COL5A2: variants seen among roughly 807,000 people sequenced by gnomAD.
The protein encoded by COL5A2 is collagen alpha-2(V) chain.
A neutral mutation model predicts 208.2 loss-of-function variants in COL5A2; 23 were observed. That is an observed-to-expected ratio of 0.11 (90% CI 0.08 to 0.16). The LOEUF (loss-of-function observed/expected upper bound fraction) is 0.16. COL5A2 is among the 10% of genes least tolerant of loss of function. The pLI, the probability that COL5A2 is intolerant of heterozygous loss-of-function variation, is 1.00. For missense variants in COL5A2, 1,590 were observed against 1,956.4 expected (o/e 0.81, Z 3.53); for synonymous variants, 625 against 628.5 (o/e 0.99, Z 0.08).
At chr2:189,432,414 A>G in the COL5A2 span, among the ~76,000 whole-genome samples, 1 of 152,220 alleles carries the variant, frequency 6.6e-6, no homozygotes, top group Non-Finnish European at 1.5e-5. Context: ...AAGACCCATC[A>G]GTGTGCTGTA....
intron 38 of COL5A2, 144 bp from the exon 39 acceptor site, chr2:189,053,162 A>G (rs1187520258): frequency 3.8e-6 from 3 of 785,038 alleles, no homozygotes; most frequent in Non-Finnish European, 6.1e-6. Flanking sequence ...AAGGAAAAAA[A>G]GTACTCTGAT....
chr2:189,116,924 A>G (rs1027885538), intron 1 of COL5A2, among the ~76,000 whole-genome samples: 1 of 152,196 alleles, frequency 6.6e-6, no homozygotes, highest in African/African-American at 2.4e-5. Context: ...CTTCATTTCA[A>G]TGCATTTCAG....
the COL5A2 span, among the ~76,000 whole-genome samples, chr2:189,318,577 C>T: frequency 1.3e-5 from 2 of 152,206 alleles, no homozygotes; most frequent in African/African-American, 2.4e-5. Flanking sequence ...TAAAGCTTCT[C>T]ATTCTCCACA....
At chr2:189,413,332 G>A in the COL5A2 span, among the ~76,000 whole-genome samples, 3 of 152,196 alleles carry the variant, frequency 2.0e-5, no homozygotes, top group Admixed American at 2.0e-4. Context: ...CCAGCAGTTA[G>A]GATCCTCTAA....
chr2:189,232,812 G>A, the COL5A2 span, among the ~76,000 whole-genome samples: 4,957 of 151,690 alleles, frequency 0.033, 120 homozygotes, highest in Admixed American at 0.047. Context: ...CTATGAACCA[G>A]GAAGCAGAGC....
the COL5A2 span, among the ~76,000 whole-genome samples, chr2:189,337,665 T>A: frequency 6.6e-6 from 1 of 152,128 alleles, no homozygotes; most frequent in Non-Finnish European, 1.5e-5. Flanking sequence ...CAGAAGGGGT[T>A]ACAATCTTGC....
the COL5A2 span, among the ~76,000 whole-genome samples, chr2:189,321,157 C>T: frequency 6.6e-6 from 1 of 152,198 alleles, no homozygotes; most frequent in East Asian, 1.9e-4. Flanking sequence ...ACAACAGCTC[C>T]TGAAGGAAGC....
At chr2:189,247,168 G>A in the COL5A2 span, among the ~76,000 whole-genome samples, 1 of 152,190 alleles carries the variant, frequency 6.6e-6, no homozygotes, top group Non-Finnish European at 1.5e-5. Flanking sequence ...CCATGGACCA[G>A]TTGTGGCCTA....
chr2:189,114,726 A>C (rs936956477), intron 1 of COL5A2, among the ~76,000 whole-genome samples: 5 of 151,806 alleles, frequency 3.3e-5, no homozygotes, highest in African/African-American at 1.2e-4. Context: ...ATTAGTAAAA[A>C]TTAGAAAAAA....
At chr2:189,057,256 T>G in intron 34 of COL5A2, 64 bp downstream of exon 34, 1 of 1,203,974 alleles carries the variant, frequency 8.3e-7, no homozygotes, top group African/African-American at 1.5e-5. Flanking sequence ...AAGAAATCAT[T>G]TCATTTTCAG....
intron 1 of COL5A2, among the ~76,000 whole-genome samples, chr2:189,137,502 C>A (rs140218046): frequency 1.5e-3 from 234 of 152,292 alleles, no homozygotes; most frequent in Non-Finnish European, 2.4e-3. Flanking sequence ...AAGTAATATT[C>A]TTTTGATGTA....
chr2:189,390,295 C>T, the COL5A2 span, among the ~76,000 whole-genome samples: 1 of 152,148 alleles, frequency 6.6e-6, no homozygotes, highest in Non-Finnish European at 1.5e-5. Context: ...CACAGCAGAA[C>T]ATACCTACAT....
chr2:189,167,519 C>G (rs1688488619), intron 1 of COL5A2, among the ~76,000 whole-genome samples: 1 of 152,064 alleles, frequency 6.6e-6, no homozygotes, highest in South Asian at 2.1e-4. Flanking sequence ...GTTTATAAAC[C>G]TATGAGTTGT....
intron 1 of COL5A2, among the ~76,000 whole-genome samples, chr2:189,191,167 C>A (rs375880845): frequency 0.72 from 88,409 of 123,048 alleles, 33,048 homozygotes; most frequent in Non-Finnish European, 0.85. Context: ...AACAAACAAA[C>A]AACAAAAAAC....
intron 17 of COL5A2, among the ~76,000 whole-genome samples, chr2:189,074,617 T>C (rs1686355866): frequency 6.6e-6 from 1 of 152,178 alleles, no homozygotes; most frequent in Non-Finnish European, 1.5e-5. Context: ...ATTGAATTCA[T>C]TTATTCCCAT....
chr2:189,046,346 T>G (rs1374074676), intron 45 of COL5A2, among the ~76,000 whole-genome samples: 2 of 152,170 alleles, frequency 1.3e-5, no homozygotes, highest in Non-Finnish European at 1.5e-5. Context: ...AAAACTATAT[T>G]TTGATTATCC....
the COL5A2 span, among the ~76,000 whole-genome samples, chr2:189,438,964 T>C: frequency 6.6e-6 from 1 of 152,186 alleles, no homozygotes; most frequent in East Asian, 1.9e-4. Context: ...TTGATGATTA[T>C]TCTCCAGCCA....
rs1217573567 is a variant in COL5A2 at position 189,033,298 on chromosome 2, A to T, written c.*772T>A. 1 of 152,682 alleles carries T rather than the reference A, an allele frequency of 6.5e-6. No homozygotes were observed. The highest frequency in any genetic ancestry group is 2.4e-5 in the African/African-American group (1 of 41,452). 9.5% of individuals were successfully genotyped at this position (152,682 alleles called of 1,614,324 possible). On this transcript the variant is annotated 3_prime_UTR_variant, in exon 54 of 54. Coordinates refer to ENST00000374866, the MANE Select transcript of COL5A2 (RefSeq NM_000393.5). ...GTATTAAATGGTATATACTAGTGTG[A>T]CTTCTATCAATATTGATAGATTGAT...
In COL5A2 at chr2:189,036,471, G is replaced by A; in HGVS notation, c.4113+145C>T. 1.1e-5 allele frequency: 7 copies of A among 637,078 alleles called. No individual in the cohort carries two copies. The South Asian group carries it at 1.6e-4, about 14-fold the overall frequency. 39.5% of individuals were successfully genotyped at this position (637,078 alleles called of 1,614,324 possible). A position where few individuals can be genotyped will look rare whatever the true frequency, so the allele number is the denominator to read the frequency against. ...TTGTTTATGCAATGGTATTACAATT[G>A]TAACTAATGAGACTATATCACTTCA... On this transcript the variant is annotated intron_variant, in intron 52 of 53. Coordinates refer to ENST00000374866, the MANE Select transcript of COL5A2 (RefSeq NM_000393.5).
Sources: allele counts gnomAD v4.1 joint callset (sites outside exome capture counted in the v4.1 genomes callset), GRCh38; gene constraint gnomAD v4.1.1; transcripts MANE v1.5; gene names NCBI Gene and HGNC (gene_info 2026-07-23, HGNC 2026-07-21).